SLC19A1: variants seen among roughly 807,000 people sequenced by gnomAD.
The protein encoded by SLC19A1 is reduced folate transporter.
A neutral mutation model predicts 35.3 loss-of-function variants in SLC19A1; 37 were observed. That is an observed-to-expected ratio of 1.05 (90% CI 0.81 to 1.38). SLC19A1 has a LOEUF of 1.38. Ranked by LOEUF, SLC19A1 falls within the 40% of genes most tolerant of loss-of-function variation. The pLI is 0.00. For synonymous variants in SLC19A1, 460 were observed against 398.5 expected, an observed-to-expected ratio of 1.15 and a Z score of -1.84; for missense variants, 831 against 826.9, an observed-to-expected ratio of 1.00 and a Z score of -0.06.
upstream of SLC19A1, among the ~76,000 whole-genome samples, chr21:45,546,084 G>A (rs1363351740): frequency 2.6e-5 from 4 of 152,236 alleles, no homozygotes; most frequent in Non-Finnish European, 5.9e-5. Flanking sequence ...AAGGGGGACT[G>A]ACATGGATGC....
intron 3 of SLC19A1, chr21:45,502,913 G>A (rs967789630): frequency 6.6e-6 from 1 of 152,218 alleles, no homozygotes; most frequent in East Asian, 1.9e-4. Flanking sequence ...GGATGAGTAA[G>A]TCAATGTACC....
rs760337198 is a variant in SLC19A1, at chr21:45,515,875, T to C, written c.1559A>G (p.Gln520Arg). The C allele has an allele frequency of 1.3e-6, 2 of 1,577,254 alleles. No individual in the cohort carries two copies. The highest frequency in any genetic ancestry group is 3.6e-5 in the Admixed American group (2 of 55,022). Residue 520 changes from glutamine to arginine, a missense_variant, in exon 6 of 6, where the codon CAG becomes CGG. Coordinates refer to ENST00000311124, the MANE Select transcript of SLC19A1 (RefSeq NM_194255.4). ...GGCCTGGGCCAGGTATGGGTCGCTCTGTCTCTGCTCCAGGGAGGCTGGCCC... is the reference window on the plus strand; with the variant it reads ...GGCCTGGGCCAGGTATGGGTCGCTCCGTCTCTGCTCCAGGGAGGCTGGCCC... Reference protein sequence around the residue: ...AVGPASLEQRQSDPYLAQAPA... With the variant: ...AVGPASLEQRRSDPYLAQAPA...
intron 3 of SLC19A1, chr21:45,505,393 C>A (rs1464788835): frequency 7.0e-6 from 11 of 1,581,292 alleles, no homozygotes; most frequent in Non-Finnish European, 8.6e-6. Context: ...CCCCCCTGGG[C>A]CCCCTGGGCC....
downstream of SLC19A1, chr21:45,511,052 ACCCACACCCATCCACACC>A: frequency 3.9e-6 from 2 of 513,432 alleles, 1 homozygote; most frequent in South Asian, 3.2e-5. Context: ...CCCCACAAAC[ACCCACACCCATCCACACC>A]CCCACACACC....
At position 45,513,701 on chromosome 21, in the gene SLC19A1, A is replaced by G. The variant is rs1568961029; in HGVS notation, c.*1957T>C. ...TGAAGCCAATTCAGACAGGCAAATA[A>G]AAGTGACCTTTTACACTGACTCTTG... On this transcript the variant is annotated 3_prime_UTR_variant, in exon 6 of 6. Coordinates refer to ENST00000311124, the MANE Select transcript of SLC19A1 (RefSeq NM_194255.4). 1 of 152,244 alleles carries G rather than the reference A, an allele frequency of 6.6e-6. No homozygotes were observed. Among genetic ancestry groups the G allele is most frequent in the Non-Finnish European group, 1.5e-5 (1 of 68,038 alleles). 9.4% of individuals were successfully genotyped at this position (152,244 alleles called of 1,614,324 possible).
At chr21:45,546,826 G>A (rs1485762082), upstream of SLC19A1, among the ~76,000 whole-genome samples, 1 of 152,146 alleles carries the variant, frequency 6.6e-6, no homozygotes, top group African/African-American at 2.4e-5. Flanking sequence ...AACATCCTGC[G>A]GTCGGAGGAG....
chr21:45,548,559 C>T (rs1247833211), upstream of SLC19A1, among the ~76,000 whole-genome samples: 1 of 152,088 alleles, frequency 6.6e-6, no homozygotes, highest in Non-Finnish European at 1.5e-5. Context: ...GCCTGGCCAA[C>T]ATGGTGAAAC....
chr21:45,531,740 C>A lies in SLC19A1; in HGVS notation c.598G>T (p.Ala200Ser). The change falls in exon 3 of 6, where the codon GCC (alanine) becomes TCC (serine). Residue 200 changes from alanine (A) to serine (S), a missense_variant. By Grantham distance (99) the Ala-to-Ser change is moderately conservative. Transcript: ENST00000311124. Reference protein sequence around the residue: ...LAFLTFSVVLALFLKRPKRSL... With the variant: ...LAFLTFSVVLSLFLKRPKRSL... ...CGCTTGGGGCGCTTCAGGAAGAGGG[C>A]GAGGACCACGCTGAAGGTGAGGAAG... 2 of 1,612,352 alleles carry A rather than the reference C, an allele frequency of 1.2e-6. No individual in the cohort carries two copies. Among genetic ancestry groups the A allele is most frequent in the East Asian group, 2.2e-5 (1 of 44,808 alleles).
At chr21:45,506,102 C>G in intron 3 of SLC19A1, 1 of 1,380,188 alleles carries the variant, frequency 7.2e-7, no homozygotes, top group Non-Finnish European at 1.0e-6. Context: ...AACTTTCAAA[C>G]TTTTGGTAAA....
chr21:45,529,343 A>G (rs1015219078), intron 4 of SLC19A1, among the ~76,000 whole-genome samples: 6 of 152,210 alleles, frequency 3.9e-5, no homozygotes, highest in African/African-American at 1.4e-4. Flanking sequence ...TCTCAGCTCA[A>G]ACAGGCTCGT....
intron 4 of SLC19A1, among the ~76,000 whole-genome samples, chr21:45,529,447 C>A (rs944921031): frequency 6.6e-6 from 1 of 152,186 alleles, no homozygotes; most frequent in Non-Finnish European, 1.5e-5. Context: ...GGGTACTGAG[C>A]TGGGGCCAAA....
At chr21:45,527,956 AAAG>A (rs1301287888) in intron 4 of SLC19A1, among the ~76,000 whole-genome samples, 1 of 150,988 alleles carries the variant, frequency 6.6e-6, no homozygotes, top group African/African-American at 2.5e-5. Flanking sequence ...AAAAAAAAAA[AAAG>A]AACTGGACAA....
intron 1 of SLC19A1, among the ~76,000 whole-genome samples, chr21:45,541,021 TA>T (rs2078287264): frequency 9.1e-6 from 1 of 110,040 alleles, no homozygotes; most frequent in South Asian, 3.8e-4. Flanking sequence ...CCTGCTAGTT[TA>T]AAAAGAAGAA....
chr21:45,515,899 C>T lies in SLC19A1; in HGVS notation c.1535G>A (p.Gly512Glu). 2 of 1,552,886 alleles carry T rather than the reference C, an allele frequency of 1.3e-6. No homozygotes were observed. Among genetic ancestry groups the T allele is most frequent in the Non-Finnish European group, 1.7e-6 (2 of 1,149,376 alleles). Residue 512 changes from glycine to glutamate, a missense_variant, in exon 6 of 6, where the codon GGG (glycine) becomes GAG (glutamate). Coordinates refer to ENST00000311124, the MANE Select transcript of SLC19A1 (RefSeq NM_194255.4). ...LSPEDSLGAV[G>E]PASLEQRQSD... ...CTGTCTCTGCTCCAGGGAGGCTGGC[C>T]CCACAGCCCCCAGGCTGTCTTCTGG...
chr21:45,531,600 A>AGC lies in SLC19A1; in HGVS notation c.737_738insGC (p.Cys246TrpfsTer83), dbSNP rs1218425437. 2.6e-5 allele frequency: 42 copies of AGC among 1,612,268 alleles called. No homozygotes were observed. Among genetic ancestry groups the AGC allele is most frequent in the Non-Finnish European group, 3.4e-5 (40 of 1,179,766 alleles). On this transcript the variant is annotated frameshift_variant, in exon 3 of 6. Transcript: ENST00000311124. LOFTEE classifies it high-confidence loss of function. ...GCATCCGCGCCAGCACTGAGTCCCC[A>AGC]CAGGCCACCCGCAGGGCGTGTCCCA...
downstream of SLC19A1, among the ~76,000 whole-genome samples, chr21:45,510,860 C>G (rs2037535462): frequency 6.6e-6 from 1 of 152,044 alleles, no homozygotes; most frequent in South Asian, 2.1e-4. Flanking sequence ...GCAGAGGCTG[C>G]CTGGCCAGGC....
At chr21:45,559,741 C>T (rs1349835098) in intron 1 of SLC19A1, among the ~76,000 whole-genome samples, 2 of 152,172 alleles carry the variant, frequency 1.3e-5, no homozygotes, top group Non-Finnish European at 2.9e-5. Flanking sequence ...TTATTAACAG[C>T]AGTGAAGAAC....
At chr21:45,545,995 T>G (rs1309998021), upstream of SLC19A1, among the ~76,000 whole-genome samples, 2 of 152,214 alleles carry the variant, frequency 1.3e-5, no homozygotes, top group East Asian at 3.9e-4. Context: ...CCCCCACTTT[T>G]TCCACGAGCT....
rs149270420 is a variant in SLC19A1 at position 45,525,910 on chromosome 21, G to A, written c.1200C>T (p.Phe400=). Residue 400 remains phenylalanine (F), a synonymous_variant, in exon 5 of 6, where the codon TTC becomes TTT. Transcript: ENST00000311124. ...TGGTGGCAAAGAACGTGTTGACCCC[G>A]AAGACCAGGGCACAGAGCTCTTTAG... The part of the protein sequence containing the change: ...SLSKELCALV[F]GVNTFFATIV... 2.2e-4 allele frequency: 357 copies of A among 1,613,682 alleles called. No homozygotes were observed. The highest frequency in any genetic ancestry group is 3.3e-4 in the Middle Eastern group (2 of 6,060).
Sources: allele counts gnomAD v4.1 joint callset (sites outside exome capture counted in the v4.1 genomes callset), GRCh38; gene constraint gnomAD v4.1.1; transcripts MANE v1.5; gene names NCBI Gene and HGNC (gene_info 2026-07-23, HGNC 2026-07-21).